Variants in PCDHGA3 observed in about 807,000 individuals in gnomAD.
PCDHGA3 encodes protocadherin gamma-A3.
PCDHGA3 carries 40 observed loss-of-function variants against 58.5 expected under a neutral mutation model. The observed-to-expected ratio is 0.68, with a 90% confidence interval of 0.53 to 0.89. PCDHGA3 has a LOEUF of 0.89. Ranked by LOEUF, PCDHGA3 falls within the 40% of genes least tolerant of loss-of-function variation. The pLI, the probability that PCDHGA3 is intolerant of heterozygous loss-of-function variation, is 0.00. For missense variants in PCDHGA3, 1,223 were observed against 1,195.9 expected (o/e 1.02, Z -0.33); for synonymous variants, 530 against 525.7 (o/e 1.01, Z -0.11).
chr5:141,360,623 G>A, intron 1 of PCDHGA3: 1 of 1,613,970 alleles, frequency 6.2e-7, no homozygotes, highest in African/African-American at 1.3e-5. Flanking sequence ...TCAGATGTTG[G>A]TCCTAACTCA....
intron 3 of PCDHGA3, 110 bp downstream of exon 3, chr5:141,505,591 G>A (rs2099846959): frequency 6.4e-7 from 1 of 1,570,162 alleles, no homozygotes; most frequent in Non-Finnish European, 8.7e-7. Context: ...AGTTTCTCCA[G>A]ATCTTTCGGC....
chr5:141,431,447 G>C lies in PCDHGA3; in HGVS notation c.2425-63360G>C. ...GCGCACAGGCACCGCGCGCATCCGC[G>C]TGATGGTTCTGGATGCGAACGACAA... is the stretch of plus-strand genomic sequence containing the variant. On this transcript the variant is annotated intron_variant, in intron 1 of 3. Coordinates refer to ENST00000253812, the MANE Select transcript of PCDHGA3 (RefSeq NM_018916.4). The surrounding 1 kb of genome is among the most constrained non-coding windows in gnomAD (Gnocchi z 4.8). The C allele has an allele frequency of 6.2e-7, 1 of 1,613,792 alleles. No individual in the cohort carries two copies. Among genetic ancestry groups the C allele is most frequent in the Non-Finnish European group, 8.5e-7 (1 of 1,180,014 alleles).
rs1391017504 is a variant in PCDHGA3 at position 141,490,732 on chromosome 5, G to GTTCAGGGAGCCCCAGCCTCCTCCT, written c.2425-4072_2425-4049dup. 6.2e-7 allele frequency: 1 copy of GTTCAGGGAGCCCCAGCCTCCTCCT among 1,614,070 alleles called. No individual in the cohort carries two copies. Among genetic ancestry groups the GTTCAGGGAGCCCCAGCCTCCTCCT allele is most frequent in the Non-Finnish European group, 8.5e-7 (1 of 1,180,050 alleles). On this transcript the variant is annotated intron_variant, in intron 1 of 3. Coordinates refer to ENST00000253812, the MANE Select transcript of PCDHGA3 (RefSeq NM_018916.4). This position sits in a 1 kb window ranked among gnomAD's most constrained non-coding sequence, Gnocchi z 5.4. ...CACCTACTCCATTGTAGGAAATCAG[G>GTTCAGGGAGCCCCAGCCTCCTCCT]TTCAGGGAGCCCCAGCCTCCTCCTT...
In PCDHGA3 at chr5:141,364,854, A is replaced by G. The variant is rs142073719; in HGVS notation, c.2424+18397A>G. The G allele has an allele frequency of 1.4e-3, 2,225 of 1,614,018 alleles. 3 individuals carry two copies. Among genetic ancestry groups the G allele is most frequent in the Non-Finnish European group, 1.7e-3 (2,042 of 1,179,888 alleles). ...CTCCGGAGTTACCAGCTCAGCTCCA[A>G]TCTGCACTTCTCTCTGGATGTGGTA... On this transcript the variant is annotated intron_variant, in intron 1 of 3. Transcript: ENST00000253812.
chr5:141,488,450 C>T (rs2154581002), intron 1 of PCDHGA3, among the ~76,000 whole-genome samples: 1 of 152,314 alleles, frequency 6.6e-6, no homozygotes, highest in East Asian at 1.9e-4. Context: ...TCCTGGGTGA[C>T]CTGATTCAGC....
chr5:141,389,293 C>T, intron 1 of PCDHGA3: 3 of 1,614,036 alleles, frequency 1.9e-6, no homozygotes, highest in Non-Finnish European at 2.5e-6. Context: ...GCCTCTATTT[C>T]ACAAGTCAGG....
intron 1 of PCDHGA3, chr5:141,420,985 C>T (rs1371634966): frequency 4.1e-6 from 2 of 487,950 alleles, no homozygotes; most frequent in African/African-American, 4.0e-5. Flanking sequence ...GGGCTCTAGG[C>T]GCCGCTGCTC....
At position 141,482,530 on chromosome 5, in the gene PCDHGA3, C is replaced by CAA. The variant is rs3074545; in HGVS notation, c.2425-12259_2425-12258dup. ...CAGAGTACAGTATGAGACAGACATG[C>CAA]AAAAAAAAAAAAAAAAAAAGATAAT... On this transcript the variant is annotated intron_variant, in intron 1 of 3. Transcript: ENST00000253812. Among the ~76,000 whole-genome samples the CAA allele has an allele frequency of 5.5e-3, 422 of 76,516 alleles. 18 individuals are homozygous for CAA. Among genetic ancestry groups the CAA allele is most frequent in the African/African-American group, 0.016 (343 of 20,862 alleles). The allele number at this position is 76,516 out of a possible 152,430, so 50.2% of individuals were successfully genotyped here.
chr5:141,498,053 G>A (rs2099781284), intron 2 of PCDHGA3, among the ~76,000 whole-genome samples: 1 of 152,204 alleles, frequency 6.6e-6, no homozygotes, highest in Non-Finnish European at 1.5e-5. Flanking sequence ...AAATAAATGT[G>A]AGACTGAAAC....
intron 1 of PCDHGA3, chr5:141,351,461 G>GTGAT (rs1395703699): frequency 6.2e-7 from 1 of 1,613,452 alleles, no homozygotes. Flanking sequence ...TTACAAGCTG[G>GTGAT]TGATTGCTGG....
chr5:141,472,316 C>T (rs1456055286), intron 1 of PCDHGA3, among the ~76,000 whole-genome samples: 6 of 151,940 alleles, frequency 3.9e-5, no homozygotes, highest in Non-Finnish European at 8.8e-5. Context: ...CCGAGGCAGG[C>T]AGATCACGAG....
At chr5:141,443,392 T>A (rs151260637) in intron 1 of PCDHGA3, among the ~76,000 whole-genome samples, 1 of 151,662 alleles carries the variant, frequency 6.6e-6, no homozygotes, top group Non-Finnish European at 1.5e-5. Context: ...GGCTGAGGTG[T>A]GAGGATCACC....
At chr5:141,393,171 G>C (rs768471669) in intron 1 of PCDHGA3, 10 of 1,613,150 alleles carry the variant, frequency 6.2e-6, no homozygotes, top group Admixed American at 1.7e-5. Context: ...CTTTGGGGTA[G>C]AAATAGAAAT....
chr5:141,420,920 A>G, intron 1 of PCDHGA3: 1 of 338,894 alleles, frequency 3.0e-6, no homozygotes, highest in Middle Eastern at 8.3e-4. Flanking sequence ...GTGATTCACA[A>G]AGGTGAGCGT....
chr5:141,384,399 A>G (rs1269939422), intron 1 of PCDHGA3: 2 of 1,613,970 alleles, frequency 1.2e-6, no homozygotes, highest in Non-Finnish European at 1.7e-6. Context: ...AGGGGGCTCC[A>G]GTGTCCTCCT....
chr5:141,349,159 C>T (rs1758243875), intron 1 of PCDHGA3, among the ~76,000 whole-genome samples: 1 of 152,140 alleles, frequency 6.6e-6, no homozygotes, highest in Non-Finnish European at 1.5e-5. Flanking sequence ...CAACCTCTGC[C>T]TCCTGAGTTA....
chr5:141,505,182 C>T (rs1302018549), intron 2 of PCDHGA3, among the ~76,000 whole-genome samples: 2 of 152,094 alleles, frequency 1.3e-5, no homozygotes, highest in East Asian at 3.9e-4. Context: ...AAAAAAGCAT[C>T]GGAGGCAGCA....
At chr5:141,406,729 C>A (rs1051103218) in intron 1 of PCDHGA3, among the ~76,000 whole-genome samples, 1 of 152,200 alleles carries the variant, frequency 6.6e-6, no homozygotes, top group Non-Finnish European at 1.5e-5. Context: ...GTTTCTAAGA[C>A]TGGACACTGT....
chr5:141,445,075 A>G (rs1251499929), intron 1 of PCDHGA3, among the ~76,000 whole-genome samples: 1 of 152,170 alleles, frequency 6.6e-6, no homozygotes, highest in East Asian at 1.9e-4. Context: ...TTCTCATTAA[A>G]TTGTCCCTAC....
Sources: allele counts gnomAD v4.1 joint callset (sites outside exome capture counted in the v4.1 genomes callset), GRCh38; gene constraint gnomAD v4.1.1; non-coding constraint Gnocchi (gnomAD v3.1); transcripts MANE v1.5; gene names NCBI Gene and HGNC (gene_info 2026-07-23, HGNC 2026-07-21).